Variants in ECH1 observed in about 807,000 individuals in gnomAD.
ECH1 encodes enoyl-CoA hydratase 1, also known as delta(3,5)-Delta(2,4)-dienoyl-CoA isomerase, mitochondrial.
ECH1 carries 30 observed loss-of-function variants against 37.0 expected under a neutral mutation model. That is an observed-to-expected ratio of 0.81 (90% CI 0.61 to 1.10). The LOEUF (loss-of-function observed/expected upper bound fraction) is 1.10, where lower values mean the gene tolerates loss of function less well. Ranked by LOEUF, ECH1 falls within the 50% of genes least tolerant of loss-of-function variation. The pLI is 0.00. For synonymous variants in ECH1, 178 were observed against 176.0 expected, an observed-to-expected ratio of 1.01 and a Z score of -0.09; for missense variants, 456 against 441.6, an observed-to-expected ratio of 1.03 and a Z score of -0.29.
intron 3 of ECH1, among the ~76,000 whole-genome samples, chr19:38,821,106 T>C (rs921433184): frequency 1.3e-5 from 2 of 152,076 alleles, no homozygotes; most frequent in African/African-American, 4.8e-5. Flanking sequence ...TAGCAAGCCC[T>C]GCCTCTACAA....
At chr19:38,819,442 C>A (rs1039958047) in intron 3 of ECH1, among the ~76,000 whole-genome samples, 4 of 152,112 alleles carry the variant, frequency 2.6e-5, no homozygotes, top group South Asian at 2.1e-4. Flanking sequence ...GGCTGCACAG[C>A]TGCTATCCTA....
At chr19:38,825,072 T>TC (rs1263259596) in intron 3 of ECH1, among the ~76,000 whole-genome samples, 1 of 152,226 alleles carries the variant, frequency 6.6e-6, no homozygotes, top group Non-Finnish European at 1.5e-5. Flanking sequence ...TGGAGAGATG[T>TC]CATGCTACTG....
At chr19:38,826,922 G>A (rs1003650902) in intron 3 of ECH1, among the ~76,000 whole-genome samples, 6 of 151,916 alleles carry the variant, frequency 3.9e-5, no homozygotes, top group Admixed American at 2.0e-4. Flanking sequence ...GCTAATCAAG[G>A]GTACAAGGTG....
intron 3 of ECH1, among the ~76,000 whole-genome samples, chr19:38,825,688 G>A (rs1971728941): frequency 6.6e-6 from 1 of 152,208 alleles, no homozygotes; most frequent in African/African-American, 2.4e-5. Flanking sequence ...GTGGTTCAGA[G>A]AGGACAGATA....
rs1971556537 is a variant in ECH1, at chr19:38,815,511, G to A, written c.*102C>T. ...CATAAAGTTATAAACTGGGAAACTGGGTCAGAAGGCATAGAAACAACTGTC... is the reference window on the plus strand; with the variant it reads ...CATAAAGTTATAAACTGGGAAACTGAGTCAGAAGGCATAGAAACAACTGTC... On this transcript the variant is annotated 3_prime_UTR_variant, in exon 10 of 10. Coordinates refer to ENST00000221418, the MANE Select transcript of ECH1 (RefSeq NM_001398.3). 1 of 1,101,956 alleles carries A rather than the reference G, an allele frequency of 9.1e-7. No individual in the cohort carries two copies. The highest frequency in any genetic ancestry group is 1.4e-6 in the Non-Finnish European group (1 of 735,824). 68.3% of individuals were successfully genotyped at this position (1,101,956 alleles called of 1,614,324 possible). A position where few individuals can be genotyped will look rare whatever the true frequency, so the allele number is the denominator to read the frequency against.
chr19:38,817,582 A>G lies in ECH1; in HGVS notation c.350-7T>C, dbSNP rs1483082802. 1 of 1,588,868 alleles carries G rather than the reference A, an allele frequency of 6.3e-7. No homozygotes were observed. Among genetic ancestry groups the G allele is most frequent in the Non-Finnish European group, 8.6e-7 (1 of 1,160,682 alleles). On this transcript the variant is annotated splice_polypyrimidine_tract_variant and splice_region_variant and intron_variant, in intron 3 of 9. Coordinates refer to ENST00000221418, the MANE Select transcript of ECH1 (RefSeq NM_001398.3). ...ATGTCCATCAGGTCAATACCTGGTGAGAAGGCATGATGGAGCTCATCCAGG... is the reference window on the plus strand; with the variant it reads ...ATGTCCATCAGGTCAATACCTGGTGGGAAGGCATGATGGAGCTCATCCAGG...
At chr19:38,829,920 C>T (rs1971794099) in intron 3 of ECH1, among the ~76,000 whole-genome samples, 1 of 151,990 alleles carries the variant, frequency 6.6e-6, no homozygotes, top group South Asian at 2.1e-4. Flanking sequence ...TTTGGGAGGC[C>T]CTAGGTGGGT....
intron 8 of ECH1, 128 bp downstream of exon 8, chr19:38,816,156 G>T: frequency 6.8e-7 from 1 of 1,476,090 alleles, no homozygotes. Flanking sequence ...CCACAATAAA[G>T]AAATGAGCTC....
At chr19:38,817,758 A>G (rs1036017935) in intron 3 of ECH1, 183 bp from the exon 4 acceptor site, 17 of 985,098 alleles carry the variant, frequency 1.7e-5, no homozygotes, top group Non-Finnish European at 2.0e-5. Context: ...ATAAAAGCTA[A>G]TATTTGTGGA....
At chr19:38,823,239 C>CA (rs1971691086) in intron 3 of ECH1, 1 of 168,942 alleles carries the variant, frequency 5.9e-6, no homozygotes, top group Non-Finnish European at 1.2e-5. Flanking sequence ...CTGTAACACT[C>CA]ACCACGAGAT....
In ECH1 at chr19:38,831,250, C is replaced by A; in HGVS notation, c.260+59G>T. The A allele has an allele frequency of 2.5e-6, 4 of 1,609,688 alleles. No individual in the cohort carries two copies. In the South Asian group the frequency reaches 4.4e-5, roughly 18 times the overall value. On this transcript the variant is annotated intron_variant, in intron 2 of 9. Transcript: ENST00000221418. ...ATCTTCCCACAACGTTCCACTTTCA[C>A]CCAGTCCCGCAGCCCCGCCTCCCCC...
intron 9 of ECH1, 30 bp from the exon 10 acceptor site, chr19:38,815,747 G>C (rs758384942): frequency 6.2e-7 from 1 of 1,614,044 alleles, no homozygotes; most frequent in East Asian, 2.2e-5. Flanking sequence ...GAGAGAACGA[G>C]GAGAGAGATT....
intron 7 of ECH1, 49 bp from the exon 8 acceptor site, chr19:38,816,404 G>A: frequency 6.2e-7 from 1 of 1,613,870 alleles, no homozygotes; most frequent in Non-Finnish European, 8.5e-7. Context: ...CCGGGGCTGG[G>A]AGATGCTCTG....
chr19:38,826,202 T>A (rs577476288), intron 3 of ECH1, among the ~76,000 whole-genome samples: 3 of 152,230 alleles, frequency 2.0e-5, no homozygotes, highest in African/African-American at 2.4e-5. Context: ...TAGCCAAGGC[T>A]GGAGCTATTA....
In ECH1 at chr19:38,829,109, A is replaced by T. The variant is rs539982412; in HGVS notation, c.349+1969T>A. On this transcript the variant is annotated intron_variant, in intron 3 of 9. Coordinates refer to ENST00000221418, the MANE Select transcript of ECH1 (RefSeq NM_001398.3). ...AGACCCGCCTGGCCAAAATGGTGAG[A>T]CCCCGTCTCTACTAAAAATATAAAA... is the stretch of plus-strand genomic sequence containing the variant. Among the ~76,000 whole-genome samples, 72 of 150,934 alleles carry T rather than the reference A, an allele frequency of 4.8e-4. 1 individual carries two copies. In the East Asian group the frequency reaches 0.014, roughly 28 times the overall value.
intron 3 of ECH1, 124 bp downstream of exon 3, chr19:38,830,954 C>CAAAAAA: frequency 1.4e-6 from 1 of 696,358 alleles, no homozygotes; most frequent in Non-Finnish European, 2.2e-6. Context: ...GACCCCGTCT[C>CAAAAAA]AAAAAAAAAA....
Position 38,816,331 on chromosome 19 carries a change from G to A in ECH1, c.684C>T (p.Thr228=), listed in dbSNP as rs774135496. The change falls in exon 8 of 10, where the codon ACC becomes ACT. Residue 228 remains threonine, a synonymous_variant. Coordinates refer to ENST00000221418, the MANE Select transcript of ECH1 (RefSeq NM_001398.3). ...CCTCGTCAGCCATCATCTTGCGGGC[G>A]GTGAAGGCCAGCTCGTTGACCAGGC... ...NQSLVNELAF[T]ARKMMADEAL... is the part of the protein sequence containing the mutation. 6.2e-6 allele frequency: 10 copies of A among 1,613,704 alleles called. No homozygotes were observed. Among genetic ancestry groups the A allele is most frequent in the East Asian group, 4.5e-5 (2 of 44,878 alleles).
At chr19:38,819,251 G>A (rs1971626964) in intron 3 of ECH1, 1 of 984,350 alleles carries the variant, frequency 1.0e-6, no homozygotes, top group South Asian at 4.7e-5. Context: ...AGACCCAGAG[G>A]AGAGGGAGGG....
At position 38,817,118 on chromosome 19, in the gene ECH1, C is replaced by T; in HGVS notation, c.535G>A (p.Val179Ile). The T allele has an allele frequency of 6.4e-7, 1 of 1,573,406 alleles. No homozygotes were observed. The highest frequency in any genetic ancestry group is 8.6e-7 in the Non-Finnish European group (1 of 1,159,432). ...CAGTACCGGATGTCACAGGCGGTGA[C>T]AAGGTCCACACCTAGGAGGTAGAGG... The part of the protein sequence containing the change: ...GGCIGGGVDL[V>I]TACDIRYCAQ... Residue 179 changes from valine (V) to isoleucine (I), a missense_variant, in exon 6 of 10, where the codon GTC becomes ATC. Physicochemically the swap from Val to Ile is conservative, Grantham distance 29. Coordinates refer to ENST00000221418, the MANE Select transcript of ECH1 (RefSeq NM_001398.3).
Sources: allele counts gnomAD v4.1 joint callset (sites outside exome capture counted in the v4.1 genomes callset), GRCh38; gene constraint gnomAD v4.1.1; transcripts MANE v1.5; gene names NCBI Gene and HGNC (gene_info 2026-07-23, HGNC 2026-07-21).